The following RBFOX1 variants were observed in gnomAD, a reference collection of about 807,000 sequenced individuals.
RBFOX1 encodes RNA binding fox-1 homolog 1.
A neutral mutation model predicts 57.7 loss-of-function variants in RBFOX1; 8 were observed. The ratio of observed to expected loss-of-function variants is 0.14; its 90% CI spans 0.08 to 0.25. RBFOX1 has a LOEUF of 0.25. RBFOX1 is among the 10% of genes least tolerant of loss of function. The pLI is 1.00. For missense variants in RBFOX1, 611 were observed against 548.5 expected, an observed-to-expected ratio of 1.11 and a Z score of -1.14; for synonymous variants, 326 against 222.4, an observed-to-expected ratio of 1.47 and a Z score of -4.15.
intron 5 of RBFOX1, among the ~76,000 whole-genome samples, chr16:7,528,491 A>C (rs1436873905): frequency 6.6e-6 from 1 of 152,034 alleles, no homozygotes; most frequent in African/African-American, 2.4e-5. Flanking sequence ...TTATTTATTT[A>C]TGTGAGAGAG....
chr16:6,529,442 C>T (rs1050123170), intron 2 of RBFOX1, among the ~76,000 whole-genome samples: 4 of 151,820 alleles, frequency 2.6e-5, no homozygotes, highest in African/African-American at 7.3e-5. Flanking sequence ...ACCTGTAATC[C>T]CGGCTACTTG....
intron 4 of RBFOX1, among the ~76,000 whole-genome samples, chr16:5,886,314 T>C (rs1189085066): frequency 1.3e-5 from 2 of 152,230 alleles, no homozygotes; most frequent in East Asian, 3.8e-4. Context: ...TGGGTGGTTA[T>C]GAGGATTAAA....
chr16:6,283,355 A>G (rs909109108), intron 1 of RBFOX1, among the ~76,000 whole-genome samples: 3 of 152,162 alleles, frequency 2.0e-5, no homozygotes, highest in African/African-American at 4.8e-5. Flanking sequence ...TAAAAATTAA[A>G]TAATATCCTT....
At chr16:7,039,099 A>G (rs1354957282) in intron 3 of RBFOX1, among the ~76,000 whole-genome samples, 1 of 152,176 alleles carries the variant, frequency 6.6e-6, no homozygotes, top group Non-Finnish European at 1.5e-5. Flanking sequence ...AGCACCCCAT[A>G]GGTCATTCGA....
chr16:5,660,322 A>T (rs2049603761), intron 3 of RBFOX1, among the ~76,000 whole-genome samples: 1 of 152,098 alleles, frequency 6.6e-6, no homozygotes, highest in Admixed American at 6.5e-5. Context: ...GGTCCTCCTC[A>T]TTGCACTCTC....
intron 3 of RBFOX1, among the ~76,000 whole-genome samples, chr16:6,840,488 T>G (rs544957445): frequency 6.6e-6 from 1 of 152,222 alleles, no homozygotes; most frequent in South Asian, 2.1e-4. Context: ...CCCCTAAATT[T>G]GTGTGTTGAA....
chr16:5,316,191 C>T (rs956533356), intron 1 of RBFOX1, among the ~76,000 whole-genome samples: 3 of 152,254 alleles, frequency 2.0e-5, no homozygotes, highest in Non-Finnish European at 2.9e-5. Flanking sequence ...GTTCATTCTT[C>T]ACATCTCTAA....
At chr16:6,357,994 A>C (rs910899662) in intron 2 of RBFOX1, among the ~76,000 whole-genome samples, 2 of 151,598 alleles carry the variant, frequency 1.3e-5, no homozygotes, top group African/African-American at 4.8e-5. Flanking sequence ...TAATGGGGCC[A>C]GAGACCTTTG....
At chr16:5,942,110 G>A (rs188305188) in intron 4 of RBFOX1, among the ~76,000 whole-genome samples, 3 of 152,140 alleles carry the variant, frequency 2.0e-5, no homozygotes, top group African/African-American at 7.2e-5. Context: ...CTTGCCTGAT[G>A]CCCAGGTACA....
In RBFOX1 at chr16:5,324,596, G is replaced by A. The variant is rs141777053; in HGVS notation, c.219+84491G>A. 2.0e-5 allele frequency among the ~76,000 whole-genome samples: 3 copies of A among 152,286 alleles called. No individual in the cohort carries two copies. The East Asian group carries it at 5.8e-4, about 29-fold the overall frequency. ...TGGTAGATTGGATAAAGAAAATGTG[G>A]TCCATATATACCATGAAATGTTACG... On this transcript the variant is annotated intron_variant, in intron 1 of 2. Coordinates refer to the RBFOX1 transcript ENST00000585867.
chr16:7,237,295 C>T (rs2093817252), intron 4 of RBFOX1, among the ~76,000 whole-genome samples: 1 of 152,192 alleles, frequency 6.6e-6, no homozygotes, highest in Admixed American at 6.5e-5. Context: ...CTCTCTCCCT[C>T]CCTGTCTGCT....
intron 4 of RBFOX1, among the ~76,000 whole-genome samples, chr16:7,065,128 A>G (rs2055635511): frequency 6.6e-6 from 1 of 152,194 alleles, no homozygotes; most frequent in Non-Finnish European, 1.5e-5. Context: ...CCAATTCTGT[A>G]TGGAGACGCA....
chr16:5,591,177 T>C (rs575372158), intron 2 of RBFOX1, among the ~76,000 whole-genome samples: 1 of 152,148 alleles, frequency 6.6e-6, no homozygotes, highest in East Asian at 1.9e-4. Context: ...ACATGCCCAG[T>C]GTACAAAATT....
At chr16:6,698,723 G>A (rs527468125) in intron 3 of RBFOX1, among the ~76,000 whole-genome samples, 10 of 152,148 alleles carry the variant, frequency 6.6e-5, no homozygotes, top group South Asian at 2.1e-4. Context: ...CCTCCAAGCC[G>A]TTCTCAAATC....
chr16:5,610,010 C>T (rs11647974), intron 3 of RBFOX1, among the ~76,000 whole-genome samples: 74,483 of 151,950 alleles, frequency 0.49, 22,020 homozygotes, highest in Non-Finnish European at 0.67. Flanking sequence ...CTGCTTAGCA[C>T]CCTTCTTCTT....
intron 4 of RBFOX1, among the ~76,000 whole-genome samples, chr16:7,364,602 A>C (rs974933225): frequency 5.9e-5 from 9 of 151,662 alleles, no homozygotes; most frequent in Admixed American, 3.3e-4. Context: ...AAAAAAAAAA[A>C]CTTGGATCCC....
At chr16:7,276,417 T>A (rs538729001) in intron 4 of RBFOX1, among the ~76,000 whole-genome samples, 1 of 152,224 alleles carries the variant, frequency 6.6e-6, no homozygotes. Flanking sequence ...GGACATCCAT[T>A]AGAATGACAA....
At chr16:7,552,234 A>G (rs2086776135) in intron 5 of RBFOX1, among the ~76,000 whole-genome samples, 1 of 152,036 alleles carries the variant, frequency 6.6e-6, no homozygotes, top group Non-Finnish European at 1.5e-5. Context: ...GAATTTTACA[A>G]CTTGTTTTCA....
At chr16:7,334,639 T>G (rs2096753013) in intron 4 of RBFOX1, among the ~76,000 whole-genome samples, 1 of 152,196 alleles carries the variant, frequency 6.6e-6, no homozygotes, top group African/African-American at 2.4e-5. Flanking sequence ...TAATCAGGTT[T>G]AATGGACTCC....
Sources: gnomAD v4.1 joint callset for allele counts (sites outside exome capture counted in the v4.1 genomes callset) on GRCh38, gnomAD v4.1.1 for gene constraint, MANE v1.5 for transcripts, NCBI Gene and HGNC (gene_info 2026-07-23, HGNC 2026-07-21) for gene names.